The following MEF2A variants were observed in gnomAD, a reference collection of about 807,000 sequenced individuals.
MEF2A encodes myocyte enhancer factor 2A, also known as myocyte-specific enhancer factor 2A.
MEF2A carries 28 observed loss-of-function variants against 55.8 expected under a neutral mutation model. The observed-to-expected ratio is 0.50, with a 90% CI of 0.37 to 0.69. The LOEUF (loss-of-function observed/expected upper bound fraction) is 0.69. Ranked by LOEUF, MEF2A falls within the 30% of genes least tolerant of loss-of-function variation. MEF2A has a pLI of 0.00. For missense variants in MEF2A, 528 were observed against 626.2 expected (o/e 0.84, Z 1.67); for synonymous variants, 239 against 227.1 (o/e 1.05, Z -0.47).
At chr15:99,665,986 G>C (rs2049600188) in intron 4 of MEF2A, among the ~76,000 whole-genome samples, 1 of 152,178 alleles carries the variant, frequency 6.6e-6, no homozygotes, top group African/African-American at 2.4e-5. Flanking sequence ...TATACTGCTG[G>C]TGGGAGTGTA....
At chr15:99,569,346 G>T (rs1249529558) in intron 1 of MEF2A, among the ~76,000 whole-genome samples, 1 of 152,212 alleles carries the variant, frequency 6.6e-6, no homozygotes, top group Non-Finnish European at 1.5e-5. Flanking sequence ...TGAAGATTAT[G>T]TAGGTACCCT....
chr15:99,634,037 G>A (rs2043355834), intron 3 of MEF2A, among the ~76,000 whole-genome samples: 1 of 152,210 alleles, frequency 6.6e-6, no homozygotes, highest in South Asian at 2.1e-4. Context: ...TAATTTCATA[G>A]CATATTATAA....
chr15:99,638,811 G>A (rs888254312), intron 3 of MEF2A, among the ~76,000 whole-genome samples: 1 of 151,872 alleles, frequency 6.6e-6, no homozygotes. Context: ...TCAATTATAC[G>A]ATGCAGTCTT....
chr15:99,580,463 T>A (rs1965603918), intron 1 of MEF2A, among the ~76,000 whole-genome samples: 1 of 152,174 alleles, frequency 6.6e-6, no homozygotes, highest in African/African-American at 2.4e-5. Context: ...AGCTTTTAGT[T>A]ATGAAAAGAC....
intron 7 of MEF2A, 114 bp downstream of exon 7, chr15:99,675,572 C>T: frequency 3.6e-6 from 3 of 823,594 alleles, no homozygotes; most frequent in Non-Finnish European, 5.9e-6. Context: ...GGTACTTTCA[C>T]TAATACATCA....
intron 1 of MEF2A, among the ~76,000 whole-genome samples, chr15:99,596,595 G>T (rs1173895825): frequency 6.6e-6 from 1 of 152,180 alleles, no homozygotes; most frequent in African/African-American, 2.4e-5. Context: ...TGGTGTTTCT[G>T]TGGATAAATT....
At chr15:99,685,379 G>A (rs530781101) in intron 7 of MEF2A, among the ~76,000 whole-genome samples, 1 of 151,802 alleles carries the variant, frequency 6.6e-6, no homozygotes, top group African/African-American at 2.4e-5. Flanking sequence ...TTCAGCAGTG[G>A]TTCATAGTTT....
rs539557767 is a variant in MEF2A, at chr15:99,670,467, G to T, written c.259-856G>T. On this transcript the variant is annotated intron_variant, in intron 4 of 11. Transcript: ENST00000557942. Reference sequence around the variant, plus strand: ...ACTAAAAATACAAAAAAAATTAGCCGGGCGTGGTGGCGGGCGCTTGTAGTC... The same window carrying T: ...ACTAAAAATACAAAAAAAATTAGCCTGGCGTGGTGGCGGGCGCTTGTAGTC... 2.0e-5 allele frequency among the ~76,000 whole-genome samples: 3 copies of T among 152,056 alleles called. No individual in the cohort carries two copies. The East Asian group carries it at 5.8e-4, about 29-fold the overall frequency.
chr15:99,660,624 A>G (rs2048463023), intron 4 of MEF2A, among the ~76,000 whole-genome samples: 1 of 152,226 alleles, frequency 6.6e-6, no homozygotes, highest in African/African-American at 2.4e-5. Flanking sequence ...TGGGCTTTGT[A>G]TGAATAAGAA....
intron 1 of MEF2A, among the ~76,000 whole-genome samples, chr15:99,576,197 G>A (rs1372433171): frequency 6.6e-6 from 1 of 152,120 alleles, no homozygotes; most frequent in Non-Finnish European, 1.5e-5. Flanking sequence ...GAGAAATTTT[G>A]AATTTATGCT....
chr15:99,621,931 T>C (rs2041254877), intron 2 of MEF2A, among the ~76,000 whole-genome samples: 1 of 152,188 alleles, frequency 6.6e-6, no homozygotes, highest in Non-Finnish European at 1.5e-5. Flanking sequence ...ACTCAGTGAT[T>C]GGTGTTAATA....
intron 2 of MEF2A, among the ~76,000 whole-genome samples, chr15:99,618,478 G>C (rs2040576702): frequency 6.6e-6 from 1 of 152,080 alleles, no homozygotes; most frequent in Non-Finnish European, 1.5e-5. Context: ...TGCAATTATG[G>C]CCTGCGCTTT....
intron 5 of MEF2A, 178 bp downstream of exon 5, chr15:99,671,632 A>C: frequency 6.3e-7 from 1 of 1,587,184 alleles, no homozygotes; most frequent in Non-Finnish European, 8.6e-7. Flanking sequence ...GAATTTGATA[A>C]TATGATGCGG....
intron 1 of MEF2A, among the ~76,000 whole-genome samples, chr15:99,582,805 G>A (rs1317590970): frequency 2.0e-5 from 3 of 152,064 alleles, no homozygotes; most frequent in Non-Finnish European, 4.4e-5. Context: ...CATGCATGAT[G>A]CACTCCCTTG....
chr15:99,690,450 C>A, intron 8 of MEF2A, 22 bp downstream of exon 8: 1 of 1,563,142 alleles, frequency 6.4e-7, no homozygotes, highest in South Asian at 1.2e-5. Context: ...CTTTCTTCAA[C>A]TTCATTCTTT....
At chr15:99,573,310 A>T (rs1480353214) in intron 1 of MEF2A, among the ~76,000 whole-genome samples, 1 of 150,442 alleles carries the variant, frequency 6.6e-6, no homozygotes, top group Non-Finnish European at 1.5e-5. Flanking sequence ...AAAAAAAAGA[A>T]GTTGTCCTAA....
chr15:99,695,541 T>TTGTGTATGTGTGTGTGTGTGTG (rs1555498138), intron 8 of MEF2A, among the ~76,000 whole-genome samples: 4 of 144,778 alleles, frequency 2.8e-5, no homozygotes, highest in Admixed American at 2.7e-4. Flanking sequence ...ATTGTCAGAT[T>TTGTGTATGTGTGTGTGTGTGTG]TGTGTGTGTG....
At chr15:99,601,297 A>G (rs1423190515) in intron 2 of MEF2A, among the ~76,000 whole-genome samples, 2 of 152,148 alleles carry the variant, frequency 1.3e-5, no homozygotes, top group Non-Finnish European at 2.9e-5. Context: ...GATTTCTTCA[A>G]ATCATCTGTG....
At chr15:99,622,749 C>T (rs1298469371) in intron 2 of MEF2A, among the ~76,000 whole-genome samples, 1 of 147,350 alleles carries the variant, frequency 6.8e-6, no homozygotes, top group African/African-American at 2.5e-5. Context: ...GTCACCCAGG[C>T]TGGAGTGCAG....
Sources: allele counts gnomAD v4.1 joint callset (sites outside exome capture counted in the v4.1 genomes callset), GRCh38; gene constraint gnomAD v4.1.1; transcripts MANE v1.5; gene names NCBI Gene and HGNC (gene_info 2026-07-23, HGNC 2026-07-21).